NUTM2G: variants seen among roughly 807,000 people sequenced by gnomAD.
The protein encoded by NUTM2G is NUT family member 2G.
NUTM2G carries 29 observed loss-of-function variants against 44.3 expected under a neutral mutation model. The ratio of observed to expected loss-of-function variants is 0.66; its 90% CI spans 0.49 to 0.89. NUTM2G has a LOEUF of 0.89. Among genes scored for constraint, NUTM2G ranks in the 40% least tolerant of loss-of-function variants. NUTM2G has a pLI of 0.00. For synonymous variants in NUTM2G, 205 were observed against 395.9 expected, an observed-to-expected ratio of 0.52 and a Z score of 5.72; for missense variants, 502 against 946.5, an observed-to-expected ratio of 0.53 and a Z score of 6.16.
intron 5 of NUTM2G, among the ~76,000 whole-genome samples, 190 bp from the exon 6 acceptor site, chr9:96,937,693 TTG>T (rs1448348733): frequency 3.4e-5 from 5 of 148,734 alleles, no homozygotes; most frequent in Admixed American, 6.6e-5. Flanking sequence ...TGTGTGTGGT[TTG>T]TGTGTCTCTG....
At position 96,931,602 on chromosome 9, in the gene NUTM2G, T is replaced by C. The variant is rs530866850; in HGVS notation, c.17-120T>C. 324 of 904,322 alleles carry C rather than the reference T, an allele frequency of 3.6e-4. 1 individual carries two copies. The highest frequency in any genetic ancestry group is 7.7e-4 in the South Asian group (47 of 61,240). 56.0% of individuals were successfully genotyped at this position (904,322 alleles called of 1,614,324 possible). A position where few individuals can be genotyped will look rare whatever the true frequency, so the allele number is the denominator to read the frequency against. On this transcript the variant is annotated intron_variant, in intron 1 of 6. Coordinates refer to ENST00000372322, the MANE Select transcript of NUTM2G (RefSeq NM_001170741.3). ...GCATCTGATGCACACTCAGGGACAC[T>C]TGCAAGCTGCAGAGTTTCCCTGTCA...
At chr9:96,929,931 G>A (rs1350226441) in intron 1 of NUTM2G, among the ~76,000 whole-genome samples, 1 of 151,382 alleles carries the variant, frequency 6.6e-6, no homozygotes, top group African/African-American at 2.4e-5. Context: ...TTCCTTTTCA[G>A]TAGAGGAAGG....
At chr9:96,934,923 C>A (rs895231231) in intron 2 of NUTM2G, among the ~76,000 whole-genome samples, 2 of 151,618 alleles carry the variant, frequency 1.3e-5, no homozygotes, top group Non-Finnish European at 2.9e-5. Context: ...AGAGCAAGAG[C>A]CCTGGTGTCT....
At position 96,930,532 on chromosome 9, in the gene NUTM2G, A is replaced by G. The variant is rs866529790; in HGVS notation, c.17-1190A>G. The stretch of plus-strand genomic sequence containing the variant: ...GAGCGAGACTCCGTCTCAAAAAAAA[A>G]AAAAAAGAAAAAAAAGAAAATCCCT... On this transcript the variant is annotated intron_variant, in intron 1 of 6. Coordinates refer to ENST00000372322, the MANE Select transcript of NUTM2G (RefSeq NM_001170741.3). 2.2e-3 allele frequency among the ~76,000 whole-genome samples: 320 copies of G among 147,814 alleles called. 3 individuals carry two copies. Among genetic ancestry groups the G allele is most frequent in the African/African-American group, 7.1e-3 (282 of 39,784 alleles).
At chr9:96,942,021 C>T (rs990892470), downstream of NUTM2G, among the ~76,000 whole-genome samples, 1 of 150,338 alleles carries the variant, frequency 6.7e-6, no homozygotes. Context: ...GGCCTCCCTG[C>T]TCACGCAGCC....
chr9:96,931,756 C>A lies in NUTM2G; in HGVS notation c.51C>A (p.Asn17Lys). Residue 17 changes from asparagine to lysine, a missense_variant, in exon 2 of 7, where the codon AAC becomes AAA. Coordinates refer to ENST00000372322, the MANE Select transcript of NUTM2G (RefSeq NM_001170741.3). Reference sequence around the variant, plus strand: ...TGCTGGGACCCGGCGTGACCGTGAACCCTGGCACCTCCCTGTCTGTGTTCA... The same window carrying A: ...TGCTGGGACCCGGCGTGACCGTGAAACCTGGCACCTCCCTGTCTGTGTTCA... The part of the protein sequence containing the change: ...YPVLGPGVTV[N>K]PGTSLSVFTA... 10 of 1,611,624 alleles carry A rather than the reference C, an allele frequency of 6.2e-6. No homozygotes were observed. Among genetic ancestry groups the A allele is most frequent in the Non-Finnish European group, 8.5e-6 (10 of 1,179,860 alleles).
In NUTM2G at chr9:96,937,289, G is replaced by A. The variant is rs781554004; in HGVS notation, c.1208G>A (p.Gly403Glu). 1.6e-5 allele frequency: 26 copies of A among 1,613,706 alleles called. No individual in the cohort carries two copies. In the South Asian group the frequency reaches 2.9e-4, roughly 18 times the overall value. The change falls in exon 5 of 7, where the codon GGA (glycine) becomes GAA (glutamate). Residue 403 changes from glycine to glutamate, a missense_variant. Physicochemically the swap from Gly to Glu is moderately conservative, Grantham distance 98. Coordinates refer to ENST00000372322, the MANE Select transcript of NUTM2G (RefSeq NM_001170741.3). ...SHPGDTGEPE[G>E]QREKGKVEQP... ...CCTGGGGACACAGGGGAGCCTGAGGGACAACGGGAAAAGGGCAAAGTGGAG... is the reference window on the plus strand; with the variant it reads ...CCTGGGGACACAGGGGAGCCTGAGGAACAACGGGAAAAGGGCAAAGTGGAG...
rs143997053 is a variant in NUTM2G, at chr9:96,931,645, G to A, written c.17-77G>A. On this transcript the variant is annotated intron_variant, in intron 1 of 6. Coordinates refer to ENST00000372322, the MANE Select transcript of NUTM2G (RefSeq NM_001170741.3). ...CCCTGTCACATGCCCTCAGCTGTTG[G>A]GACTCCCCTGATTCCCCAGTGACTA... 3,330 of 1,551,902 alleles carry A rather than the reference G, an allele frequency of 2.1e-3. 74 individuals are homozygous for A. In the African/African-American group the frequency reaches 0.038, roughly 18 times the overall value.
At position 96,935,397 on chromosome 9, in the gene NUTM2G, G is replaced by A; in HGVS notation, c.783G>A (p.Met261Ile). 2 of 1,612,088 alleles carry A rather than the reference G, an allele frequency of 1.2e-6. No homozygotes were observed. Among genetic ancestry groups the A allele is most frequent in the South Asian group, 2.2e-5 (2 of 90,996 alleles). ...MTLEEGLWRA[M>I]REWQHTSNFD... ...TGGAGGAGGGACTGTGGCGGGCCAT[G>A]CGGGAATGGCAGCACACGAGCAACT... is the stretch of plus-strand genomic sequence containing the variant. The change falls in exon 3 of 7, where the codon ATG becomes ATA. Residue 261 changes from methionine to isoleucine, a missense_variant. By Grantham distance (10) the Met-to-Ile change is conservative (BLOSUM62 1). Coordinates refer to ENST00000372322, the MANE Select transcript of NUTM2G (RefSeq NM_001170741.3).
Position 96,937,210 on chromosome 9 carries a change from C to A in NUTM2G, c.1129C>A (p.Pro377Thr). 6.2e-7 allele frequency: 1 copy of A among 1,612,998 alleles called. No homozygotes were observed. The highest frequency in any genetic ancestry group is 1.3e-5 in the African/African-American group (1 of 75,010). ...GACCAAGGTCCCTGAGGAGATCCCCCCTGAAGTGGTGCAGGAGTATGTGGA... is the reference window on the plus strand; with the variant it reads ...GACCAAGGTCCCTGAGGAGATCCCCACTGAAGTGGTGCAGGAGTATGTGGA... ...AETKVPEEIP[P>T]EVVQEYVDIM... Residue 377 changes from proline (P) to threonine (T), a missense_variant, in exon 5 of 7, where the codon CCT becomes ACT. Pro to Thr is a conservative substitution (Grantham distance 38). Transcript: ENST00000372322.
intron 1 of NUTM2G, among the ~76,000 whole-genome samples, chr9:96,930,527 A>C (rs1002988426): frequency 1.4e-5 from 2 of 147,484 alleles, no homozygotes; most frequent in Non-Finnish European, 3.0e-5. Flanking sequence ...CCGTCTCAAA[A>C]AAAAAAAAAA....
At position 96,929,010 on chromosome 9, in the gene NUTM2G, GC is replaced by G. The variant is rs1826160715; in HGVS notation, c.-12del. 6.2e-7 allele frequency: 1 copy of G among 1,609,492 alleles called. No individual in the cohort carries two copies. The highest frequency in any genetic ancestry group is 1.4e-5 in the African/African-American group (1 of 72,936). On this transcript the variant is annotated 5_prime_UTR_variant, in exon 1 of 7. Transcript: ENST00000372322. The stretch of plus-strand genomic sequence containing the variant: ...AAGCTGCCAGACAGTGGTGGTCAGT[GC>G]CCAGCCTGAGGGGATGGCTTCAAAT...
In NUTM2G at chr9:96,931,856, G is replaced by T. The variant is rs756388504; in HGVS notation, c.151G>T (p.Ala51Ser). 7 of 1,612,444 alleles carry T rather than the reference G, an allele frequency of 4.3e-6. No homozygotes were observed. Among genetic ancestry groups the T allele is most frequent in the Non-Finnish European group, 5.9e-6 (7 of 1,179,850 alleles). The change falls in exon 2 of 7, where the codon GCC becomes TCC. Residue 51 changes from alanine to serine, a missense_variant. Coordinates refer to ENST00000372322, the MANE Select transcript of NUTM2G (RefSeq NM_001170741.3). ...PPLVTAVVPP[A>S]GPLVLSAFPS... is the part of the protein sequence containing the mutation. ...CCTCGTGACTGCAGTGGTTCCTCCA[G>T]CCGGCCCTCTGGTGCTCTCTGCCTT...
Position 96,931,900 on chromosome 9 carries a change from G to C in NUTM2G, c.195G>C (p.Val65=). Residue 65 remains valine (V), a synonymous_variant, in exon 2 of 7, where the codon GTG becomes GTC. Coordinates refer to ENST00000372322, the MANE Select transcript of NUTM2G (RefSeq NM_001170741.3). ...VLSAFPSTPL[V]AGQDGRGPSG... ...CTGCCTTCCCCAGCACCCCTCTAGT[G>C]GCAGGACAGGATGGCCGCGGCCCAA... is the stretch of plus-strand genomic sequence containing the variant. 1 of 1,612,238 alleles carries C rather than the reference G, an allele frequency of 6.2e-7. No individual in the cohort carries two copies. The highest frequency in any genetic ancestry group is 8.5e-7 in the Non-Finnish European group (1 of 1,179,832).
At chr9:96,929,140 G>A (rs1826165105) in intron 1 of NUTM2G, 100 bp downstream of exon 1, 7 of 1,576,748 alleles carry the variant, frequency 4.4e-6, no homozygotes, top group Non-Finnish European at 3.5e-6. Flanking sequence ...TAGGGCTGAT[G>A]TTGAGGGAGC....
intron 2 of NUTM2G, among the ~76,000 whole-genome samples, chr9:96,932,838 G>A (rs1163144559): frequency 6.6e-6 from 1 of 151,618 alleles, no homozygotes; most frequent in South Asian, 2.1e-4. Context: ...TCGTAGAGAT[G>A]GGGTTTCTCC....
chr9:96,931,602 T>G, intron 1 of NUTM2G, 120 bp from the exon 2 acceptor site: 1 of 904,322 alleles, frequency 1.1e-6, no homozygotes, highest in East Asian at 2.7e-5. Context: ...TCAGGGACAC[T>G]TGCAAGCTGC....
At chr9:96,940,924 T>A (rs1336972865), downstream of NUTM2G, among the ~76,000 whole-genome samples, 1 of 152,102 alleles carries the variant, frequency 6.6e-6, no homozygotes, top group African/African-American at 2.4e-5. Flanking sequence ...TGGCAGGGCT[T>A]CCCCAGCTGA....
At chr9:96,935,510 C>G (rs1826400078) in intron 3 of NUTM2G, 54 bp downstream of exon 3, 1 of 1,611,520 alleles carries the variant, frequency 6.2e-7, no homozygotes, top group South Asian at 1.1e-5. Flanking sequence ...GAGTGAATGA[C>G]AGAGGCCCGG....
Sources: allele counts gnomAD v4.1 joint callset (sites outside exome capture counted in the v4.1 genomes callset), GRCh38; gene constraint gnomAD v4.1.1; transcripts MANE v1.5; gene names NCBI Gene and HGNC (gene_info 2026-07-23, HGNC 2026-07-21).